PTPRD: variants seen among roughly 807,000 people sequenced by gnomAD.
PTPRD encodes protein tyrosine phosphatase receptor type D.
In PTPRD, 34 loss-of-function variants were observed where a neutral mutation model predicts 214.5. That is an observed-to-expected ratio of 0.16 (90% CI 0.12 to 0.21). The LOEUF (loss-of-function observed/expected upper bound fraction) is 0.21, where lower values mean the gene tolerates loss of function less well. Ranked by LOEUF, PTPRD falls within the 10% of genes least tolerant of loss-of-function variation. The probability of loss-of-function intolerance (pLI) is 1.00; values close to 1 mark genes in which losing one functional copy is unlikely to be tolerated. For synonymous variants in PTPRD, 1,128 were observed against 845.7 expected, an observed-to-expected ratio of 1.33 and a Z score of -5.79; for missense variants, 2,545 against 2,398.7, an observed-to-expected ratio of 1.06 and a Z score of -1.27.
chr9:9,478,764 A>T (rs1346942137), intron 8 of PTPRD, among the ~76,000 whole-genome samples: 1 of 152,178 alleles, frequency 6.6e-6, no homozygotes, highest in Admixed American at 6.5e-5. Context: ...TAAAACCCCA[A>T]ATATTTCAAG....
At chr9:8,457,854 AG>A (rs2096261868) in intron 33 of PTPRD, among the ~76,000 whole-genome samples, 1 of 152,158 alleles carries the variant, frequency 6.6e-6, no homozygotes, top group African/African-American at 2.4e-5. Context: ...ATAAACTGAA[AG>A]GCACCTAAAA....
intron 11 of PTPRD, among the ~76,000 whole-genome samples, chr9:8,758,145 G>C (rs573115859): frequency 1.3e-5 from 2 of 152,302 alleles, no homozygotes; most frequent in African/African-American, 4.8e-5. Flanking sequence ...ATGCAGGAAG[G>C]ATTTTGAGGA....
At chr9:10,377,473 A>G (rs915725533) in intron 2 of PTPRD, among the ~76,000 whole-genome samples, 10 of 150,566 alleles carry the variant, frequency 6.6e-5, no homozygotes, top group African/African-American at 2.4e-4. Context: ...CCGGTGTGTG[A>G]TGTTCCCCTT....
intron 2 of PTPRD, among the ~76,000 whole-genome samples, chr9:10,545,458 A>G (rs1366707996): frequency 6.6e-6 from 1 of 152,182 alleles, no homozygotes; most frequent in Non-Finnish European, 1.5e-5. Context: ...GTTTATGGCT[A>G]ATTAGTTCAA....
At chr9:9,209,466 A>G (rs1373753126) in intron 9 of PTPRD, among the ~76,000 whole-genome samples, 31 of 152,236 alleles carry the variant, frequency 2.0e-4, no homozygotes, top group Admixed American at 2.0e-3. Flanking sequence ...GAGATGGACC[A>G]GTATTTTGGT....
At chr9:8,714,980 C>G (rs1306255044) in intron 12 of PTPRD, among the ~76,000 whole-genome samples, 1 of 151,134 alleles carries the variant, frequency 6.6e-6, no homozygotes, top group Admixed American at 6.6e-5. Context: ...ACTGTTGTAT[C>G]TCAAAAGCCT....
At chr9:9,428,814 A>G (rs2082003037) in intron 8 of PTPRD, among the ~76,000 whole-genome samples, 1 of 152,244 alleles carries the variant, frequency 6.6e-6, no homozygotes. Context: ...CTGGGTACAT[A>G]AAGAAATGAA....
intron 3 of PTPRD, among the ~76,000 whole-genome samples, chr9:10,095,722 C>T (rs1324296820): frequency 1.3e-5 from 2 of 151,526 alleles, no homozygotes; most frequent in Non-Finnish European, 3.0e-5. Flanking sequence ...GCCATAATTA[C>T]TCTTTACATG....
At chr9:9,740,974 T>C (rs577866550) in intron 6 of PTPRD, among the ~76,000 whole-genome samples, 1 of 152,150 alleles carries the variant, frequency 6.6e-6, no homozygotes, top group Non-Finnish European at 1.5e-5. Context: ...AACCCAACAT[T>C]GGAAACTAGA....
Position 8,485,995 on chromosome 9 carries a change from G to C in PTPRD, c.2822C>G (p.Pro941Arg), listed in dbSNP as rs985218104. The C allele has an allele frequency of 5.0e-6, 8 of 1,614,020 alleles. No homozygotes were observed. The highest frequency in any genetic ancestry group is 4.0e-5 in the African/African-American group (3 of 74,886). ...TSTSVQLSWQ[P>R]PVLAERNGII... is the part of the protein sequence containing the mutation. ...GCCATTTCTCTCTGCCAGGACAGGT[G>C]GTTGCCAAGATAACTGGACGGAGGT... Residue 941 changes from proline (P) to arginine (R), a missense_variant, in exon 28 of 46, where the codon CCA (proline) becomes CGA (arginine). Transcript: ENST00000381196.
At chr9:10,316,300 T>C (rs1244641131) in intron 3 of PTPRD, among the ~76,000 whole-genome samples, 1 of 151,694 alleles carries the variant, frequency 6.6e-6, no homozygotes, top group Non-Finnish European at 1.5e-5. Flanking sequence ...TGTCCTCTAC[T>C]ATAAATGTAA....
chr9:8,958,740 G>C (rs558262362), intron 11 of PTPRD: 36 of 152,092 alleles, frequency 2.4e-4, no homozygotes, highest in African/African-American at 8.2e-4. Context: ...AAGAGAAAGA[G>C]TCTCTCAGCA....
At chr9:10,117,753 T>C (rs895833656) in intron 3 of PTPRD, among the ~76,000 whole-genome samples, 1 of 151,956 alleles carries the variant, frequency 6.6e-6, no homozygotes, top group South Asian at 2.1e-4. Flanking sequence ...TGGACATGTT[T>C]TTTGGTGAAA....
chr9:8,882,802 G>A (rs1341601650), intron 11 of PTPRD, among the ~76,000 whole-genome samples: 1 of 150,660 alleles, frequency 6.6e-6, no homozygotes, highest in South Asian at 2.1e-4. Flanking sequence ...GGAGAATCAG[G>A]TGAAGCCAGG....
intron 9 of PTPRD, among the ~76,000 whole-genome samples, chr9:9,360,002 C>T (rs1403643192): frequency 2.0e-5 from 3 of 151,214 alleles, no homozygotes; most frequent in Non-Finnish European, 3.0e-5. Context: ...AGTAAGGATG[C>T]TTCAGTGATC....
At chr9:9,553,603 T>C (rs2080849783) in intron 8 of PTPRD, among the ~76,000 whole-genome samples, 1 of 152,074 alleles carries the variant, frequency 6.6e-6, no homozygotes, top group Non-Finnish European at 1.5e-5. Flanking sequence ...TGGATACCCC[T>C]TACTTACTGA....
intron 14 of PTPRD, among the ~76,000 whole-genome samples, chr9:8,622,502 T>C (rs1232121149): frequency 6.6e-6 from 1 of 151,960 alleles, no homozygotes; most frequent in Admixed American, 6.6e-5. Context: ...GACTTTATTA[T>C]CTCCAACCAC....
chr9:8,430,464 A>G (rs2094970387), intron 35 of PTPRD, among the ~76,000 whole-genome samples: 2 of 149,534 alleles, frequency 1.3e-5, no homozygotes, highest in Admixed American at 6.7e-5. Context: ...AGTTTTGCAG[A>G]GACAGTTTCA....
chr9:9,360,252 T>A (rs928454271), intron 9 of PTPRD, among the ~76,000 whole-genome samples: 1 of 134,330 alleles, frequency 7.4e-6, no homozygotes, highest in Non-Finnish European at 1.5e-5. Context: ...GTATAATAGA[T>A]GGGAAAAAAA....
Sources: gnomAD v4.1 joint callset for allele counts (sites outside exome capture counted in the v4.1 genomes callset) on GRCh38, gnomAD v4.1.1 for gene constraint, MANE v1.5 for transcripts, NCBI Gene and HGNC (gene_info 2026-07-23, HGNC 2026-07-21) for gene names.